The following TTC17 variants were observed in gnomAD, a reference collection of about 807,000 sequenced individuals.
TTC17 encodes the protein tetratricopeptide repeat domain 17, also known as tetratricopeptide repeat protein 17.
A neutral mutation model predicts 143.8 loss-of-function variants in TTC17; 58 were observed. That is an observed-to-expected ratio of 0.40 (90% CI 0.33 to 0.50). The LOEUF (loss-of-function observed/expected upper bound fraction) is 0.50, where lower values mean the gene tolerates loss of function less well. TTC17 is among the 20% of genes least tolerant of loss of function. The pLI is 0.49. For missense variants in TTC17, 1,273 were observed against 1,392.5 expected, an observed-to-expected ratio of 0.91 and a Z score of 1.37; for synonymous variants, 501 against 497.8, an observed-to-expected ratio of 1.01 and a Z score of -0.09.
In TTC17 at chr11:43,400,036, G is replaced by A; in HGVS notation, c.1207G>A (p.Glu403Lys). The change falls in exon 9 of 24, where the codon GAG (glutamate) becomes AAG (lysine). Residue 403 changes from glutamate to lysine, a missense_variant. Coordinates refer to ENST00000039989, the MANE Select transcript of TTC17 (RefSeq NM_018259.6). ...CATTCATGAGACTCAGATGGCAAAAGAGGCACAATTAGGTAAGTAGTGACT... is the reference window on the plus strand; with the variant it reads ...CATTCATGAGACTCAGATGGCAAAAAAGGCACAATTAGGTAAGTAGTGACT... ...NIIHETQMAK[E>K]AQLGNHQICR... is the part of the protein sequence containing the mutation. The A allele has an allele frequency of 6.2e-7, 1 of 1,613,184 alleles. No individual in the cohort carries two copies. The highest frequency in any genetic ancestry group is 8.5e-7 in the Non-Finnish European group (1 of 1,179,640).
chr11:43,367,617 C>G (rs11601589), intron 1 of TTC17, among the ~76,000 whole-genome samples: 3,214 of 152,184 alleles, frequency 0.021, 67 homozygotes, highest in East Asian at 0.11. Flanking sequence ...AAAATTAGAA[C>G]AACTTTGCAT....
chr11:43,362,359 G>C (rs970779151), intron 1 of TTC17, among the ~76,000 whole-genome samples: 4 of 152,116 alleles, frequency 2.6e-5, no homozygotes, highest in African/African-American at 9.7e-5. Flanking sequence ...TTTCCCAGGA[G>C]AGATGAAAAT....
intron 21 of TTC17, among the ~76,000 whole-genome samples, chr11:43,458,657 A>G (rs1205451476): frequency 1.3e-5 from 2 of 152,098 alleles, no homozygotes; most frequent in Admixed American, 6.5e-5. Context: ...CAAGAACCCC[A>G]CAGTCCCATC....
At chr11:43,399,691 G>C (rs1857765756) in intron 8 of TTC17, among the ~76,000 whole-genome samples, 197 bp from the exon 9 acceptor site, 1 of 152,112 alleles carries the variant, frequency 6.6e-6, no homozygotes. Flanking sequence ...TTTTAAAAAA[G>C]TTGTATTTAA....
At chr11:43,384,439 T>G (rs1024408428) in intron 2 of TTC17, among the ~76,000 whole-genome samples, 3 of 152,226 alleles carry the variant, frequency 2.0e-5, no homozygotes, top group African/African-American at 7.2e-5. Context: ...GCAGATTGCT[T>G]GAGCCCGGGA....
rs534155652 is a variant in TTC17 at position 43,427,398 on chromosome 11, G to A, written c.2251+12622G>A. 1.2e-3 allele frequency among the ~76,000 whole-genome samples: 180 copies of A among 152,298 alleles called. 3 individuals carry two copies. The South Asian group carries it at 0.033, about 28-fold the overall frequency. On this transcript the variant is annotated intron_variant, in intron 16 of 23. Coordinates refer to ENST00000039989, the MANE Select transcript of TTC17 (RefSeq NM_018259.6). The stretch of plus-strand genomic sequence containing the variant: ...ATATGTTGTATTTTACTCACTGACC[G>A]TAAGAACTTTGTAACATCTGCCTTT...
intron 16 of TTC17, among the ~76,000 whole-genome samples, chr11:43,426,882 G>A (rs1431297943): frequency 6.6e-6 from 1 of 152,182 alleles, no homozygotes; most frequent in Non-Finnish European, 1.5e-5. Flanking sequence ...AGCCCAAAAA[G>A]TGCTGGGCAT....
chr11:43,443,221 C>A, intron 16 of TTC17, 104 bp from the exon 17 acceptor site: 1 of 1,415,444 alleles, frequency 7.1e-7, no homozygotes, highest in Non-Finnish European at 9.6e-7. Context: ...AGTAGTGCCT[C>A]TAAGCAGAGC....
intron 2 of TTC17, 135 bp from the exon 3 acceptor site, chr11:43,389,516 TA>T (rs1394174920): frequency 1.3e-6 from 1 of 783,732 alleles, no homozygotes; most frequent in Non-Finnish European, 1.9e-6. Context: ...CTAAGTTAAC[TA>T]AGGGCATTTT....
chr11:43,456,214 C>T (rs1262650674), intron 21 of TTC17, among the ~76,000 whole-genome samples: 1 of 138,712 alleles, frequency 7.2e-6, no homozygotes, highest in Non-Finnish European at 1.6e-5. Context: ...ACACACACAC[C>T]ACTTAGCAGA....
At chr11:43,417,064 G>C (rs933183302) in intron 16 of TTC17, among the ~76,000 whole-genome samples, 4 of 152,150 alleles carry the variant, frequency 2.6e-5, no homozygotes, top group African/African-American at 7.2e-5. Context: ...TTCATTAGTA[G>C]TAGTGAAACA....
chr11:43,413,534 AAAAC>A (rs1311369206), intron 15 of TTC17, among the ~76,000 whole-genome samples: 1 of 151,756 alleles, frequency 6.6e-6, no homozygotes, highest in East Asian at 2.0e-4. Flanking sequence ...AGAGAGTAAA[AAAAC>A]AAACCATAGA....
chr11:43,414,682 C>A lies in TTC17; in HGVS notation c.2157C>A (p.Thr719=). Residue 719 remains threonine, a synonymous_variant, in exon 16 of 24, where the codon ACC becomes ACA. Transcript: ENST00000039989. ...CCTTTAGACAGGCCTTGAAATTAACCACCAAATGTCCAGAGTGTGAAAACA... is the reference window on the plus strand; with the variant it reads ...CCTTTAGACAGGCCTTGAAATTAACAACCAAATGTCCAGAGTGTGAAAACA... ...LEAFRQALKL[T]TKCPECENSL... 1 of 1,613,732 alleles carries A rather than the reference C, an allele frequency of 6.2e-7. No homozygotes were observed. The highest frequency in any genetic ancestry group is 1.1e-5 in the South Asian group (1 of 91,060).
chr11:43,436,359 G>T, intron 16 of TTC17: 1 of 1,244,384 alleles, frequency 8.0e-7, no homozygotes, highest in Non-Finnish European at 1.0e-6. Context: ...CCTGAGCTGT[G>T]CTTCTGGGGA....
chr11:43,453,247 T>C (rs895226687), intron 21 of TTC17, among the ~76,000 whole-genome samples: 3 of 152,106 alleles, frequency 2.0e-5, no homozygotes, highest in Admixed American at 6.5e-5. Context: ...TTCAAATAAA[T>C]AAGATTTGAG....
Position 43,391,468 on chromosome 11 carries a change from T to C in TTC17, c.423T>C (p.Pro141=). ...CATTGCTTCTTTTTGATTTTAGTCC[T>C]GAAGATTATATAGACACAGAATCTC... ...YITLESKDIS[P]EDYIDTESPV... The change falls in exon 4 of 24, where the codon CCT becomes CCC. Residue 141 remains proline (P), a synonymous_variant. Coordinates refer to ENST00000039989, the MANE Select transcript of TTC17 (RefSeq NM_018259.6). 1 of 1,574,052 alleles carries C rather than the reference T, an allele frequency of 6.4e-7. No homozygotes were observed. Among genetic ancestry groups the C allele is most frequent in the Non-Finnish European group, 8.7e-7 (1 of 1,154,964 alleles).
chr11:43,437,792 G>A (rs191416728), intron 16 of TTC17, among the ~76,000 whole-genome samples: 2 of 152,280 alleles, frequency 1.3e-5, no homozygotes, highest in East Asian at 3.9e-4. Flanking sequence ...GTTCAAGGGA[G>A]CCATAATACA....
chr11:43,372,803 A>G (rs983951983), intron 1 of TTC17, among the ~76,000 whole-genome samples: 4 of 152,048 alleles, frequency 2.6e-5, no homozygotes, highest in African/African-American at 9.7e-5. Context: ...AAGTTTTAGT[A>G]TAGGATGTTC....
intron 23 of TTC17, among the ~76,000 whole-genome samples, chr11:43,493,026 G>T (rs1167364997): frequency 6.6e-6 from 1 of 152,216 alleles, no homozygotes; most frequent in Non-Finnish European, 1.5e-5. Flanking sequence ...TGCCAGGGAG[G>T]TATTGCCGAA....
Sources: allele counts gnomAD v4.1 joint callset (sites outside exome capture counted in the v4.1 genomes callset), GRCh38; gene constraint gnomAD v4.1.1; transcripts MANE v1.5; gene names NCBI Gene and HGNC (gene_info 2026-07-23, HGNC 2026-07-21).